The following ENOX1 variants were observed in gnomAD, a reference collection of about 807,000 sequenced individuals.
ENOX1 encodes the protein ecto-NOX disulfide-thiol exchanger 1.
Under a neutral mutation model 82.5 loss-of-function variants are expected in ENOX1, and 42 were observed. The observed-to-expected ratio is 0.51, with a 90% confidence interval of 0.40 to 0.66. The LOEUF is 0.66. Ranked by LOEUF, ENOX1 falls within the 30% of genes least tolerant of loss-of-function variation. The pLI is 0.00. For missense variants in ENOX1, 608 were observed against 811.6 expected (o/e 0.75, Z 3.05); for synonymous variants, 271 against 282.2 (o/e 0.96, Z 0.40).
intron 10 of ENOX1, among the ~76,000 whole-genome samples, chr13:43,325,056 T>A (rs1242182397): frequency 4.6e-5 from 7 of 152,218 alleles, no homozygotes; most frequent in South Asian, 2.1e-4. Context: ...GGACTCCAAT[T>A]TGTGTTTTCA....
chr13:43,500,406 C>T (rs1031445680), intron 2 of ENOX1, among the ~76,000 whole-genome samples: 5 of 151,912 alleles, frequency 3.3e-5, no homozygotes, highest in African/African-American at 1.2e-4. Context: ...ATGTTGCAGG[C>T]AAGATGAGAG....
At chr13:43,322,543 T>C (rs189898950) in intron 10 of ENOX1, 42 bp from the exon 11 acceptor site, 137 of 1,534,606 alleles carry the variant, frequency 8.9e-5, no homozygotes, top group Non-Finnish European at 1.2e-4. Context: ...CACAGACACA[T>C]ATGGCTTTCC....
At chr13:43,478,072 T>G (rs1458212577) in intron 3 of ENOX1, among the ~76,000 whole-genome samples, 8 of 150,116 alleles carry the variant, frequency 5.3e-5, no homozygotes, top group South Asian at 2.1e-4. Context: ...TTTTTTTTTT[T>G]TTTTTTTTCA....
intron 14 of ENOX1, among the ~76,000 whole-genome samples, chr13:43,246,877 C>T (rs930633140): frequency 4.6e-5 from 7 of 152,046 alleles, no homozygotes; most frequent in Admixed American, 3.9e-4. Flanking sequence ...AGAAGCCATT[C>T]GGAAGGAATG....
At chr13:43,498,088 A>T (rs1373983659) in intron 2 of ENOX1, among the ~76,000 whole-genome samples, 2 of 152,084 alleles carry the variant, frequency 1.3e-5, no homozygotes, top group Non-Finnish European at 2.9e-5. Context: ...CTTTCTTGGT[A>T]CATTAAACTC....
At chr13:43,432,984 A>C (rs761052054) in intron 3 of ENOX1, among the ~76,000 whole-genome samples, 24 of 152,012 alleles carry the variant, frequency 1.6e-4, no homozygotes, top group Non-Finnish European at 2.8e-4. Context: ...TATCAATTGT[A>C]ACAACTCTGA....
At chr13:43,604,578 T>C (rs943966755) in intron 2 of ENOX1, among the ~76,000 whole-genome samples, 1 of 152,212 alleles carries the variant, frequency 6.6e-6, no homozygotes, top group African/African-American at 2.4e-5. Flanking sequence ...ATTGAAATGA[T>C]CATATAGTTT....
intron 3 of ENOX1, among the ~76,000 whole-genome samples, chr13:43,462,684 T>C (rs1251611424): frequency 6.6e-6 from 1 of 152,230 alleles, no homozygotes; most frequent in African/African-American, 2.4e-5. Context: ...AAAGTTTATG[T>C]TTGGGATGCC....
chr13:43,535,854 T>C (rs2078437440), intron 2 of ENOX1, among the ~76,000 whole-genome samples: 1 of 152,246 alleles, frequency 6.6e-6, no homozygotes, highest in Non-Finnish European at 1.5e-5. Context: ...CACTCCTTGT[T>C]CTGTGCAGGA....
chr13:43,214,421 G>C (rs1198132726), intron 16 of ENOX1, among the ~76,000 whole-genome samples: 1 of 152,108 alleles, frequency 6.6e-6, no homozygotes, highest in Non-Finnish European at 1.5e-5. Flanking sequence ...GATATAAAAG[G>C]AGATGGGGAG....
chr13:43,417,708 T>G (rs1291445739), intron 3 of ENOX1, among the ~76,000 whole-genome samples: 1 of 152,176 alleles, frequency 6.6e-6, no homozygotes, highest in Non-Finnish European at 1.5e-5. Flanking sequence ...CTGAATACAG[T>G]AGGTGATAAT....
intron 2 of ENOX1, among the ~76,000 whole-genome samples, chr13:43,651,988 A>C (rs1039561109): frequency 2.6e-4 from 39 of 151,856 alleles, no homozygotes; most frequent in African/African-American, 7.2e-4. Flanking sequence ...AAAAAAAAAA[A>C]AAAAAACTTC....
At chr13:43,754,715 G>T (rs1298390241) in intron 1 of ENOX1, among the ~76,000 whole-genome samples, 1 of 151,952 alleles carries the variant, frequency 6.6e-6, no homozygotes, top group Non-Finnish European at 1.5e-5. Flanking sequence ...CTCCTGAGTA[G>T]CTGGGGTGAC....
At chr13:43,527,352 T>A (rs200127284) in intron 2 of ENOX1, among the ~76,000 whole-genome samples, 1 of 152,114 alleles carries the variant, frequency 6.6e-6, no homozygotes. Context: ...AACAACTACA[T>A]AGGCAGCTGT....
At chr13:43,490,233 C>T (rs574062140) in intron 2 of ENOX1, among the ~76,000 whole-genome samples, 5 of 152,244 alleles carry the variant, frequency 3.3e-5, no homozygotes, top group Admixed American at 6.5e-5. Flanking sequence ...TAAGCCATTG[C>T]GCCCAGTCCC....
At chr13:43,579,117 T>TGTCATTA (rs1428074338) in intron 2 of ENOX1, among the ~76,000 whole-genome samples, 17 of 152,094 alleles carry the variant, frequency 1.1e-4, no homozygotes, top group African/African-American at 3.6e-4. Context: ...GTCATAGGGT[T>TGTCATTA]GCTTGAAGAC....
At chr13:43,714,857 T>C (rs1594534553) in intron 1 of ENOX1, among the ~76,000 whole-genome samples, 2 of 152,228 alleles carry the variant, frequency 1.3e-5, no homozygotes. Flanking sequence ...GGGTCTTGAC[T>C]CTATCCAATT....
chr13:43,410,371 C>T (rs199883203), intron 5 of ENOX1, among the ~76,000 whole-genome samples: 13 of 152,022 alleles, frequency 8.6e-5, no homozygotes, highest in African/African-American at 2.9e-4. Flanking sequence ...AACACATGTT[C>T]AAGCCATAGA....
intron 5 of ENOX1, among the ~76,000 whole-genome samples, chr13:43,381,353 T>C (rs1594239877): frequency 6.6e-6 from 1 of 151,544 alleles, no homozygotes; most frequent in East Asian, 1.9e-4. Flanking sequence ...GTACTGTGAA[T>C]TAAAATAAAA....
Sources: gnomAD v4.1 joint callset for allele counts (sites outside exome capture counted in the v4.1 genomes callset) on GRCh38, gnomAD v4.1.1 for gene constraint, MANE v1.5 for transcripts, NCBI Gene and HGNC (gene_info 2026-07-23, HGNC 2026-07-21) for gene names.